FAM107B: variants seen among roughly 807,000 people sequenced by gnomAD.
FAM107B encodes family with sequence similarity 107 member B.
FAM107B carries 21 observed loss-of-function variants against 31.5 expected under a neutral mutation model. That is an observed-to-expected ratio of 0.67 (90% CI 0.47 to 0.96). The LOEUF is 0.96. FAM107B is among the 40% of genes least tolerant of loss of function. The pLI is 0.00. For synonymous variants in FAM107B, 157 were observed against 141.5 expected (o/e 1.11, Z -0.78); for missense variants, 452 against 377.1 (o/e 1.20, Z -1.64).
At chr10:14,600,151 G>A (rs969519550) in intron 2 of FAM107B, among the ~76,000 whole-genome samples, 2 of 152,100 alleles carry the variant, frequency 1.3e-5, no homozygotes, top group African/African-American at 4.8e-5. Context: ...CCTCTGGTGG[G>A]CACAGCTGTA....
At position 14,630,937 on chromosome 10, in the gene FAM107B, C is replaced by G. The variant is rs191122936; in HGVS notation, c.469+36697G>C. ...ACCTTCAAATGCTATTGTCTGAATT[C>G]TATGAATATATAGGAATCTAGTCTG... On this transcript the variant is annotated intron_variant, in intron 2 of 4. Transcript: ENST00000181796. 8.7e-4 allele frequency among the ~76,000 whole-genome samples: 133 copies of G among 152,036 alleles called. 1 individual carries two copies. The highest frequency in any genetic ancestry group is 3.0e-3 in the African/African-American group (125 of 41,468).
chr10:14,741,429 T>C (rs549509903), intron 1 of FAM107B, among the ~76,000 whole-genome samples: 15 of 152,044 alleles, frequency 9.9e-5, no homozygotes, highest in African/African-American at 3.6e-4. Flanking sequence ...AGAGAGAGCA[T>C]CCACTAAGGT....
intron 2 of FAM107B, among the ~76,000 whole-genome samples, chr10:14,564,809 C>G (rs952792989): frequency 1.3e-4 from 20 of 152,248 alleles, no homozygotes; most frequent in African/African-American, 4.6e-4. Context: ...CCTATTATAA[C>G]ATTACAGATA....
intron 2 of FAM107B, among the ~76,000 whole-genome samples, chr10:14,540,540 G>A (rs1564542646): frequency 6.6e-6 from 1 of 152,012 alleles, no homozygotes; most frequent in Non-Finnish European, 1.5e-5. Context: ...CCCTCCCTCT[G>A]TCCTCCCCCT....
At chr10:14,699,067 G>A (rs1249678290) in intron 1 of FAM107B, among the ~76,000 whole-genome samples, 3 of 152,036 alleles carry the variant, frequency 2.0e-5, no homozygotes, top group African/African-American at 4.8e-5. Context: ...GGGGGCAGGG[G>A]TACACTGAAA....
chr10:14,627,677 G>A (rs1434478153), intron 2 of FAM107B, among the ~76,000 whole-genome samples: 2 of 152,174 alleles, frequency 1.3e-5, no homozygotes, highest in Non-Finnish European at 2.9e-5. Context: ...GAAGGCTGAG[G>A]CAGGTAGATC....
intron 2 of FAM107B, among the ~76,000 whole-genome samples, chr10:14,641,375 A>C (rs1007236111): frequency 6.6e-6 from 1 of 152,218 alleles, no homozygotes; most frequent in Admixed American, 6.5e-5. Flanking sequence ...GACATCTATT[A>C]GAATAGATGC....
At chr10:14,624,179 A>C (rs1853092964) in intron 2 of FAM107B, among the ~76,000 whole-genome samples, 1 of 152,200 alleles carries the variant, frequency 6.6e-6, no homozygotes, top group Non-Finnish European at 1.5e-5. Context: ...GAGGCTTTGA[A>C]AGAGATCTAT....
chr10:14,703,565 C>T (rs552908866), intron 1 of FAM107B, among the ~76,000 whole-genome samples: 13 of 152,146 alleles, frequency 8.5e-5, no homozygotes, highest in African/African-American at 3.1e-4. Context: ...GAACTCCTGG[C>T]CTCAAGTGAT....
intron 2 of FAM107B, among the ~76,000 whole-genome samples, chr10:14,598,248 G>A (rs1161994920): frequency 6.6e-6 from 1 of 152,192 alleles, no homozygotes; most frequent in Non-Finnish European, 1.5e-5. Flanking sequence ...TTACTGCCAA[G>A]ACCAGTGTCC....
intron 1 of FAM107B, among the ~76,000 whole-genome samples, chr10:14,767,136 C>T (rs1232108965): frequency 2.4e-5 from 3 of 126,584 alleles, no homozygotes; most frequent in Non-Finnish European, 5.0e-5. Context: ...CCTCTGTCGC[C>T]CAGGCTGGAG....
chr10:14,622,224 A>T (rs1853029414), intron 2 of FAM107B, among the ~76,000 whole-genome samples: 1 of 152,186 alleles, frequency 6.6e-6, no homozygotes, highest in Admixed American at 6.5e-5. Flanking sequence ...GCAGACTTAC[A>T]GCCTAGCAGA....
rs1845578256 is a variant in FAM107B at position 14,521,035 on chromosome 10, T to A, written c.*155A>T. On this transcript the variant is annotated 3_prime_UTR_variant, in exon 5 of 5. Transcript: ENST00000181796. ...AACTGCAACTGTCACAGGCAAGGCA[T>A]CCACCCAGATCGTAGGAAAATCAAA... 1.6e-6 allele frequency: 1 copy of A among 641,696 alleles called. No individual in the cohort carries two copies. The highest frequency in any genetic ancestry group is 2.0e-5 in the South Asian group (1 of 49,506). 39.8% of individuals were successfully genotyped at this position (641,696 alleles called of 1,614,324 possible).
chr10:14,574,169 AGTAT>A (rs1358110872), intron 2 of FAM107B, among the ~76,000 whole-genome samples: 2 of 152,254 alleles, frequency 1.3e-5, no homozygotes, highest in Admixed American at 1.3e-4. Flanking sequence ...ATCTTGAATT[AGTAT>A]GTAATAAATA....
intron 2 of FAM107B, among the ~76,000 whole-genome samples, chr10:14,584,869 A>G (rs1316888154): frequency 1.3e-5 from 2 of 152,194 alleles, no homozygotes; most frequent in African/African-American, 2.4e-5. Flanking sequence ...GTCACAGGCC[A>G]AGTCTTCATT....
At chr10:14,562,722 A>G (rs1050272198) in intron 2 of FAM107B, among the ~76,000 whole-genome samples, 4 of 152,222 alleles carry the variant, frequency 2.6e-5, no homozygotes, top group African/African-American at 9.6e-5. Context: ...CCCAGATGTG[A>G]GCTGCCCTTT....
intron 3 of FAM107B, among the ~76,000 whole-genome samples, chr10:14,528,344 G>A (rs979699089): frequency 3.3e-5 from 5 of 151,910 alleles, no homozygotes; most frequent in Non-Finnish European, 7.4e-5. Flanking sequence ...ACCAAGCCCG[G>A]CTAATTTTTG....
At chr10:14,580,117 T>C (rs1851586971) in intron 2 of FAM107B, among the ~76,000 whole-genome samples, 1 of 152,098 alleles carries the variant, frequency 6.6e-6, no homozygotes, top group Non-Finnish European at 1.5e-5. Context: ...CCCAGCACTT[T>C]GGGAGGCCCA....
chr10:14,748,280 G>A (rs1435786867), intron 1 of FAM107B, among the ~76,000 whole-genome samples: 2 of 152,194 alleles, frequency 1.3e-5, no homozygotes, highest in African/African-American at 2.4e-5. Context: ...CCTCAAGTTG[G>A]GAAGCAGCAC....
Sources: gnomAD v4.1 joint callset for allele counts (sites outside exome capture counted in the v4.1 genomes callset) on GRCh38, gnomAD v4.1.1 for gene constraint, MANE v1.5 for transcripts, NCBI Gene and HGNC (gene_info 2026-07-23, HGNC 2026-07-21) for gene names.